The following SAMMSON variants were observed in gnomAD, a reference collection of about 807,000 sequenced individuals.
SAMMSON encodes long intergenic non-protein coding RNA 1212.
intron 6 of SAMMSON, chr3:70,272,359 C>G (rs1396304104): frequency 6.6e-6 from 1 of 152,200 alleles, no homozygotes; most frequent in African/African-American, 2.4e-5. Flanking sequence ...CCTAAGATTT[C>G]ATACACTATG....
intron 4 of SAMMSON, chr3:70,197,135 A>C (rs1701189868): frequency 5.0e-6 from 2 of 398,402 alleles, no homozygotes; most frequent in South Asian, 1.3e-4. Context: ...ATCAGGAGAC[A>C]GTCCCAAAAC....
At chr3:70,126,255 C>CTTTTTTT in intron 4 of SAMMSON, 3 of 850,986 alleles carry the variant, frequency 3.5e-6, no homozygotes, top group South Asian at 1.6e-5. Flanking sequence ...GTCATCAGAC[C>CTTTTTTT]TTTTTTTTTT....
chr3:70,158,594 A>G (rs1448008761), intron 4 of SAMMSON, among the ~76,000 whole-genome samples: 1 of 151,980 alleles, frequency 6.6e-6, no homozygotes, highest in Non-Finnish European at 1.5e-5. Flanking sequence ...AGGGAAATAC[A>G]TGGCTTTTAG....
chr3:70,163,513 G>A (rs552052663), intron 4 of SAMMSON, among the ~76,000 whole-genome samples: 1 of 151,842 alleles, frequency 6.6e-6, no homozygotes, highest in Admixed American at 6.6e-5. Flanking sequence ...CCTCATTCAT[G>A]TTATTATTGT....
intron 9 of SAMMSON, among the ~76,000 whole-genome samples, chr3:70,358,660 G>A (rs1006874116): frequency 6.6e-6 from 1 of 152,058 alleles, no homozygotes; most frequent in African/African-American, 2.4e-5. Context: ...CTAAATAGGG[G>A]TAGAAAATAT....
downstream of SAMMSON, among the ~76,000 whole-genome samples, chr3:70,394,574 G>A (rs1304089448): frequency 1.3e-5 from 2 of 152,012 alleles, no homozygotes; most frequent in African/African-American, 2.4e-5. Context: ...CTGCAGTTTG[G>A]GAATATGAAA....
At chr3:70,093,427 C>T (rs927304075) in intron 4 of SAMMSON, among the ~76,000 whole-genome samples, 4 of 152,118 alleles carry the variant, frequency 2.6e-5, no homozygotes, top group Non-Finnish European at 5.9e-5. Flanking sequence ...TTGTCAATGG[C>T]TTGGATTGTA....
Position 70,283,149 on chromosome 3 carries a change from A to G in SAMMSON, n.675-8030A>G, listed in dbSNP as rs371008547. On this transcript the variant is annotated intron_variant and non_coding_transcript_variant, in intron 6 of 9. Transcript: ENST00000642114. Reference sequence around the variant, plus strand: ...CATTTATCTTGACATCAACAGTAGCACTAGGTGGTTGTGAGCATAAGCAGT... The same window carrying G: ...CATTTATCTTGACATCAACAGTAGCGCTAGGTGGTTGTGAGCATAAGCAGT... Among the ~76,000 whole-genome samples the G allele has an allele frequency of 1.1e-4, 17 of 152,110 alleles. 1 individual carries two copies. The highest frequency in any genetic ancestry group is 9.6e-4 in the East Asian group (5 of 5,182).
At chr3:70,101,942 A>G (rs1362801262) in intron 4 of SAMMSON, among the ~76,000 whole-genome samples, 2 of 152,196 alleles carry the variant, frequency 1.3e-5, no homozygotes, top group Non-Finnish European at 2.9e-5. Flanking sequence ...CAAGTTATGA[A>G]GGTTTGGTAG....
intron 4 of SAMMSON, among the ~76,000 whole-genome samples, chr3:70,211,531 TTTGCCCTTCCC>T (rs1232664221): frequency 1.4e-4 from 2 of 14,144 alleles, no homozygotes; most frequent in African/African-American, 3.5e-4. Context: ...TTCCCTTCCC[TTTGCCCTTCCC>T]TTCCCTTCCC....
chr3:70,113,541 T>C (rs1339629447), intron 4 of SAMMSON, among the ~76,000 whole-genome samples: 5 of 152,214 alleles, frequency 3.3e-5, no homozygotes. Flanking sequence ...CTGATTTAAA[T>C]AGTGAAGGCA....
chr3:70,358,737 G>A (rs567316544), intron 9 of SAMMSON, among the ~76,000 whole-genome samples: 1 of 152,122 alleles, frequency 6.6e-6, no homozygotes, highest in South Asian at 2.1e-4. Context: ...TTGCTTTGTA[G>A]TTAAAATGTA....
chr3:70,266,448 C>T (rs1276408868), intron 6 of SAMMSON, among the ~76,000 whole-genome samples: 1 of 151,742 alleles, frequency 6.6e-6, no homozygotes, highest in East Asian at 1.9e-4. Flanking sequence ...GAGACAGGGT[C>T]TCATTTCTGT....
chr3:70,186,975 T>G (rs1210098742), intron 4 of SAMMSON, among the ~76,000 whole-genome samples: 1 of 152,194 alleles, frequency 6.6e-6, no homozygotes, highest in Non-Finnish European at 1.5e-5. Context: ...AGTCAATGTC[T>G]TCTCCTGTTC....
chr3:70,158,505 T>C (rs2067601110), intron 4 of SAMMSON, among the ~76,000 whole-genome samples: 1 of 152,052 alleles, frequency 6.6e-6, no homozygotes, highest in African/African-American at 2.4e-5. Flanking sequence ...TGGATAATAC[T>C]GCTAAGAACA....
chr3:70,125,261 A>C, intron 4 of SAMMSON: 3 of 1,273,234 alleles, frequency 2.4e-6, no homozygotes, highest in Non-Finnish European at 1.1e-6. Context: ...ATCAAACATG[A>C]TCTACTGTGT....
intron 2 of SAMMSON, among the ~76,000 whole-genome samples, chr3:70,403,237 C>G (rs1427471854): frequency 5.3e-5 from 8 of 152,236 alleles, no homozygotes; most frequent in African/African-American, 1.9e-4. Flanking sequence ...ACTTGTCCTG[C>G]CTCAGTTTAC....
rs1019272084 is a variant in SAMMSON, at chr3:70,165,307, A to G, written n.508-83800A>G. On this transcript the variant is annotated intron_variant and non_coding_transcript_variant, in intron 4 of 9. Transcript: ENST00000642114. ...GAATGTCTGTGTCCTCCCCAGATTC[A>G]TGTTGAAAACCTAATCTGTTGGTAT... is the stretch of plus-strand genomic sequence containing the variant. 3.3e-5 allele frequency among the ~76,000 whole-genome samples: 5 copies of G among 152,108 alleles called. No homozygotes were observed. In the East Asian group the frequency reaches 9.7e-4, roughly 30 times the overall value.
chr3:70,013,575 T>G (rs564822158), exon 3 of SAMMSON: 63 of 152,228 alleles, frequency 4.1e-4, no homozygotes, highest in African/African-American at 1.5e-3. Flanking sequence ...TCCTCAACTA[T>G]GCAACTCAAA....
Sources: allele counts gnomAD v4.1 joint callset (sites outside exome capture counted in the v4.1 genomes callset), GRCh38; gene constraint gnomAD v4.1.1; transcripts MANE v1.5; gene names NCBI Gene and HGNC (gene_info 2026-07-23, HGNC 2026-07-21).